Variants in CNTNAP4 observed in about 807,000 individuals in gnomAD.
The protein encoded by CNTNAP4 is contactin-associated protein-like 4.
A neutral mutation model predicts 148.4 loss-of-function variants in CNTNAP4; 98 were observed. The observed-to-expected ratio is 0.66, with a 90% CI of 0.56 to 0.78. The LOEUF (loss-of-function observed/expected upper bound fraction) is 0.78. Ranked by LOEUF, CNTNAP4 falls within the 30% of genes least tolerant of loss-of-function variation. The pLI is 0.00. For synonymous variants in CNTNAP4, 730 were observed against 565.1 expected, an observed-to-expected ratio of 1.29 and a Z score of -4.14; for missense variants, 1,935 against 1,565.6, an observed-to-expected ratio of 1.24 and a Z score of -3.98.
At chr16:76,309,916 G>C in intron 1 of CNTNAP4, 1 of 700,800 alleles carries the variant, frequency 1.4e-6, no homozygotes, top group Non-Finnish European at 2.6e-6. Flanking sequence ...TGTGAGTCCG[G>C]TTAAGTCTCT....
chr16:76,498,701 G>A lies in CNTNAP4; in HGVS notation c.2365+7G>A. 1 of 1,595,460 alleles carries A rather than the reference G, an allele frequency of 6.3e-7. No individual in the cohort carries two copies. The highest frequency in any genetic ancestry group is 8.5e-7 in the Non-Finnish European group (1 of 1,173,282). On this transcript the variant is annotated splice_region_variant and intron_variant, in intron 15 of 23. Transcript: ENST00000611870. ...CTGCTCTGCCAGGGAGACAGTAAGT[G>A]GTTACAATGTGTTGAAACCGTATTT... is the stretch of plus-strand genomic sequence containing the variant.
At chr16:76,548,257 C>T (rs1158722865) in intron 21 of CNTNAP4, among the ~76,000 whole-genome samples, 2 of 150,206 alleles carry the variant, frequency 1.3e-5, no homozygotes, top group Non-Finnish European at 2.9e-5. Flanking sequence ...AAGAGTGCAC[C>T]ATTCAGTTCC....
intron 3 of CNTNAP4, among the ~76,000 whole-genome samples, chr16:76,397,999 T>A (rs1174591923): frequency 2.0e-5 from 2 of 100,780 alleles, no homozygotes; most frequent in African/African-American, 8.2e-5. Flanking sequence ...TATATATATA[T>A]ATGGAGTTTA....
intron 15 of CNTNAP4, among the ~76,000 whole-genome samples, chr16:76,504,842 A>C (rs1165283318): frequency 6.6e-6 from 1 of 152,206 alleles, no homozygotes; most frequent in African/African-American, 2.4e-5. Flanking sequence ...GATTTAAATA[A>C]ACACAGTAAA....
chr16:76,319,298 A>G (rs1490436839), intron 2 of CNTNAP4, among the ~76,000 whole-genome samples: 1 of 152,086 alleles, frequency 6.6e-6, no homozygotes, highest in African/African-American at 2.4e-5. Flanking sequence ...AGGCTGAGGC[A>G]TGAGAATCGT....
intron 18 of CNTNAP4, among the ~76,000 whole-genome samples, chr16:76,537,216 C>A (rs1393900323): frequency 6.7e-6 from 1 of 150,314 alleles, no homozygotes; most frequent in Non-Finnish European, 1.5e-5. Context: ...TCTGTATGCA[C>A]ATATTATATT....
At chr16:76,420,465 A>T (rs36068688) in intron 3 of CNTNAP4, among the ~76,000 whole-genome samples, 53,126 of 151,704 alleles carry the variant, frequency 0.35, 10,958 homozygotes, top group Non-Finnish European at 0.44. Flanking sequence ...CATCCTCACT[A>T]TAATTCCCCA....
At chr16:76,456,263 G>A (rs942818247) in intron 8 of CNTNAP4, among the ~76,000 whole-genome samples, 1 of 152,188 alleles carries the variant, frequency 6.6e-6, no homozygotes, top group Non-Finnish European at 1.5e-5. Context: ...ATAGGATTTG[G>A]GGTTGTGTTA....
At chr16:76,467,245 C>T (rs1427736471) in intron 9 of CNTNAP4, 107 bp from the exon 10 acceptor site, 2 of 957,756 alleles carry the variant, frequency 2.1e-6, no homozygotes, top group Non-Finnish European at 3.1e-6. Flanking sequence ...TCCTTTAATA[C>T]AGAAAATAAT....
intron 21 of CNTNAP4, among the ~76,000 whole-genome samples, chr16:76,543,966 T>A (rs1188619548): frequency 1.3e-5 from 2 of 152,178 alleles, no homozygotes; most frequent in East Asian, 1.9e-4. Context: ...TCACCTACCA[T>A]GTAAACAGAG....
At chr16:76,308,609 A>T (rs976625116) in intron 1 of CNTNAP4, among the ~76,000 whole-genome samples, 2 of 152,186 alleles carry the variant, frequency 1.3e-5, no homozygotes, top group Admixed American at 1.3e-4. Flanking sequence ...GGACATTATG[A>T]AAGGAACAAT....
chr16:76,499,074 T>A (rs1416751527), intron 15 of CNTNAP4, among the ~76,000 whole-genome samples: 1 of 150,912 alleles, frequency 6.6e-6, no homozygotes, highest in African/African-American at 2.4e-5. Flanking sequence ...AATTTTTTTT[T>A]TTTTTTTTTT....
intron 3 of CNTNAP4, among the ~76,000 whole-genome samples, chr16:76,398,827 C>T (rs545239597): frequency 1.2e-4 from 19 of 152,074 alleles, no homozygotes; most frequent in Non-Finnish European, 1.6e-4. Context: ...TACATAGACA[C>T]ATATATTTGT....
intron 9 of CNTNAP4, among the ~76,000 whole-genome samples, chr16:76,463,767 T>C (rs1205550534): frequency 6.6e-6 from 1 of 152,212 alleles, no homozygotes; most frequent in African/African-American, 2.4e-5. Flanking sequence ...TCATATCTTT[T>C]GATCTCCTAT....
chr16:76,544,133 A>C (rs2084591935), intron 21 of CNTNAP4, among the ~76,000 whole-genome samples: 1 of 152,094 alleles, frequency 6.6e-6, no homozygotes, highest in African/African-American at 2.4e-5. Context: ...TTACCCTCCA[A>C]ATTAAAATAT....
At position 76,447,998 on chromosome 16, in the gene CNTNAP4, A is replaced by G. The variant is rs201179312; in HGVS notation, c.539-14A>G. ...ATTTATCCTTAGAATGCCTTCTACT[A>G]TCTTTGTTTCTAGGATCAGAAGTGG... On this transcript the variant is annotated splice_polypyrimidine_tract_variant and intron_variant, in intron 4 of 23. Transcript: ENST00000611870. 3.5e-4 allele frequency: 550 copies of G among 1,589,358 alleles called. 1 individual carries two copies. The Middle Eastern group carries it at 3.7e-3, about 11-fold the overall frequency.
intron 2 of CNTNAP4, among the ~76,000 whole-genome samples, chr16:76,342,710 GAT>G (rs1964578846): frequency 6.6e-6 from 1 of 152,012 alleles, no homozygotes; most frequent in African/African-American, 2.4e-5. Flanking sequence ...CTGACCTCGT[GAT>G]CTGCCCACCT....
At chr16:76,283,695 A>G (rs948749723) in intron 1 of CNTNAP4, among the ~76,000 whole-genome samples, 3 of 152,022 alleles carry the variant, frequency 2.0e-5, no homozygotes, top group Non-Finnish European at 2.9e-5. Flanking sequence ...AATAAGGAAC[A>G]ATAACTAATG....
chr16:76,516,208 C>G (rs923017535), intron 15 of CNTNAP4, among the ~76,000 whole-genome samples: 5 of 145,602 alleles, frequency 3.4e-5, no homozygotes, highest in Non-Finnish European at 5.9e-5. Context: ...TTTTCTGTTT[C>G]TGTGTTAGTG....
Sources: gnomAD v4.1 joint callset for allele counts (sites outside exome capture counted in the v4.1 genomes callset) on GRCh38, gnomAD v4.1.1 for gene constraint, MANE v1.5 for transcripts, NCBI Gene and HGNC (gene_info 2026-07-23, HGNC 2026-07-21) for gene names.